The following CCDC171 variants were observed in gnomAD, a reference collection of about 807,000 sequenced individuals.
The protein encoded by CCDC171 is coiled-coil domain containing 171.
A neutral mutation model predicts 168.2 loss-of-function variants in CCDC171; 177 were observed. The ratio of observed to expected loss-of-function variants is 1.05; its 90% CI spans 0.93 to 1.19. CCDC171 has a LOEUF of 1.19. Among genes scored for constraint, CCDC171 ranks in the 50% most tolerant of loss-of-function variants. CCDC171 has a pLI of 0.00. For synonymous variants in CCDC171, 687 were observed against 540.8 expected (o/e 1.27, Z -3.75); for missense variants, 1,991 against 1,539.0 (o/e 1.29, Z -4.91).
chr9:15,618,602 A>G (rs949505683), intron 6 of CCDC171, among the ~76,000 whole-genome samples: 3 of 152,048 alleles, frequency 2.0e-5, no homozygotes, highest in Non-Finnish European at 4.4e-5. Context: ...GTCTGCCCAA[A>G]CAGCCGCCCA....
Position 16,025,726 on chromosome 9 carries a change from A to T in CCDC171, n.998+2818A>T, listed in dbSNP as rs529355584. On this transcript the variant is annotated intron_variant and non_coding_transcript_variant, in intron 6 of 9. Transcript: ENST00000486641. ...TACTGTATAATTCCATTTATCTGAA[A>T]TGTCCAGAAGTGGGAAAATGTATAA... is the stretch of plus-strand genomic sequence containing the variant. Among the ~76,000 whole-genome samples, 67 of 152,320 alleles carry T rather than the reference A, an allele frequency of 4.4e-4. 1 individual carries two copies. In the South Asian group the frequency reaches 5.6e-3, roughly 13 times the overall value.
chr9:15,897,363 A>C (rs1821045987), intron 24 of CCDC171, among the ~76,000 whole-genome samples: 1 of 152,090 alleles, frequency 6.6e-6, no homozygotes, highest in African/African-American at 2.4e-5. Flanking sequence ...CATTAAAAAA[A>C]TCTAAGTCTT....
At chr9:16,033,911 T>G (rs1833413531) in intron 6 of CCDC171, among the ~76,000 whole-genome samples, 1 of 152,152 alleles carries the variant, frequency 6.6e-6, no homozygotes, top group African/African-American at 2.4e-5. Flanking sequence ...TTGTCAGTGG[T>G]GCCCACACAG....
intron 11 of CCDC171, among the ~76,000 whole-genome samples, chr9:15,696,477 G>A (rs1259998341): frequency 5.9e-5 from 9 of 152,136 alleles, no homozygotes; most frequent in African/African-American, 1.7e-4. Flanking sequence ...CAAATCAAAA[G>A]ATATAAAAGT....
At chr9:15,700,356 C>T (rs1299598838) in intron 11 of CCDC171, among the ~76,000 whole-genome samples, 1 of 152,238 alleles carries the variant, frequency 6.6e-6, no homozygotes, top group Non-Finnish European at 1.5e-5. Flanking sequence ...GCCAAGCCCA[C>T]GCCCACCCGG....
intron 1 of CCDC171, among the ~76,000 whole-genome samples, chr9:15,555,079 G>T (rs1257460268): frequency 1.3e-5 from 2 of 152,170 alleles, no homozygotes; most frequent in Non-Finnish European, 2.9e-5. Context: ...TTTTTTACCA[G>T]TAGTGGCTCC....
intron 24 of CCDC171, among the ~76,000 whole-genome samples, chr9:15,887,228 T>C (rs1367638679): frequency 6.6e-6 from 1 of 152,168 alleles, no homozygotes; most frequent in African/African-American, 2.4e-5. Context: ...TTATATCCCT[T>C]AAATATATAC....
At chr9:16,090,718 T>G in the CCDC171 span, among the ~76,000 whole-genome samples, 1 of 152,186 alleles carries the variant, frequency 6.6e-6, no homozygotes, top group African/African-American at 2.4e-5. Context: ...CAGTTATTCA[T>G]TGAGCCTTTA....
the CCDC171 span, among the ~76,000 whole-genome samples, chr9:16,100,874 C>G: frequency 1.3e-5 from 2 of 152,156 alleles, no homozygotes; most frequent in African/African-American, 2.4e-5. Flanking sequence ...TGGTTTCTTG[C>G]TCCCCCTTCA....
At position 15,677,913 on chromosome 9, in the gene CCDC171, TATATATATATATAA is replaced by T. The variant is rs1301076643; in HGVS notation, c.1077-844_1077-831del. Among the ~76,000 whole-genome samples the T allele has an allele frequency of 4.4e-3, 130 of 29,250 alleles. 16 individuals carry two copies. The highest frequency in any genetic ancestry group is 0.017 in the South Asian group (12 of 700). 19.2% of individuals were successfully genotyped at this position (29,250 alleles called of 152,430 possible). A position where few individuals can be genotyped will look rare whatever the true frequency, so the allele number is the denominator to read the frequency against. On this transcript the variant is annotated intron_variant, in intron 9 of 25. Transcript: ENST00000380701. ...ATATATATATATATATATATATATA[TATATATATATATAA>T]GAGATGTGGTCTCATTCTGTTACCT...
the CCDC171 span, among the ~76,000 whole-genome samples, chr9:16,091,849 A>G: frequency 3.7e-4 from 57 of 152,362 alleles, 1 homozygote; most frequent in East Asian, 4.4e-3. Context: ...ACATACTTCT[A>G]TGCCTTTTCT....
At chr9:16,008,729 A>G (rs1162487569) in intron 3 of CCDC171, among the ~76,000 whole-genome samples, 2 of 152,168 alleles carry the variant, frequency 1.3e-5, no homozygotes, top group South Asian at 2.1e-4. Flanking sequence ...AGCTAAGACT[A>G]TACAGTAACA....
chr9:15,648,513 C>G (rs541432934), intron 7 of CCDC171, among the ~76,000 whole-genome samples: 1 of 152,250 alleles, frequency 6.6e-6, no homozygotes, highest in East Asian at 1.9e-4. Context: ...CGTCTCAGCC[C>G]AAAATCTCCT....
upstream of CCDC171, among the ~76,000 whole-genome samples, chr9:16,039,206 A>G (rs1037490643): frequency 1.3e-5 from 2 of 152,180 alleles, no homozygotes; most frequent in Non-Finnish European, 2.9e-5. Context: ...TTTCCGTAGT[A>G]AACTCCTATG....
intron 1 of CCDC171, among the ~76,000 whole-genome samples, chr9:15,554,012 C>A (rs1024059742): frequency 2.8e-5 from 4 of 144,676 alleles, no homozygotes; most frequent in East Asian, 2.1e-4. Flanking sequence ...AAAGAACATA[C>A]GATTTTGTCA....
chr9:15,695,884 A>C (rs954664), intron 11 of CCDC171, among the ~76,000 whole-genome samples: 2 of 152,084 alleles, frequency 1.3e-5, no homozygotes, highest in East Asian at 3.9e-4. Flanking sequence ...TCATATGATA[A>C]AGAGCTATAA....
intron 10 of CCDC171, among the ~76,000 whole-genome samples, chr9:15,683,819 C>G (rs1417060854): frequency 6.6e-6 from 1 of 151,838 alleles, no homozygotes; most frequent in Admixed American, 6.6e-5. Flanking sequence ...CAAGAGATTG[C>G]GAGAGAGATG....
chr9:15,736,299 C>A (rs1344536069), intron 16 of CCDC171, among the ~76,000 whole-genome samples: 1 of 151,942 alleles, frequency 6.6e-6, no homozygotes, highest in Non-Finnish European at 1.5e-5. Flanking sequence ...ATATATAAAG[C>A]AATATCTGAA....
At chr9:15,841,500 T>C (rs937161823) in intron 21 of CCDC171, among the ~76,000 whole-genome samples, 3 of 151,984 alleles carry the variant, frequency 2.0e-5, no homozygotes, top group African/African-American at 7.2e-5. Flanking sequence ...TGAAAGTGGG[T>C]AAGTTATTTG....
Sources: allele counts gnomAD v4.1 joint callset (sites outside exome capture counted in the v4.1 genomes callset), GRCh38; gene constraint gnomAD v4.1.1; transcripts MANE v1.5; gene names NCBI Gene and HGNC (gene_info 2026-07-23, HGNC 2026-07-21).